PALS2: variants seen among roughly 807,000 people sequenced by gnomAD.
PALS2 encodes protein associated with LIN7 2, MAGUK p55 family member.
PALS2 carries 27 observed loss-of-function variants against 61.6 expected under a neutral mutation model. That is an observed-to-expected ratio of 0.44 (90% confidence interval 0.32 to 0.60). The LOEUF (loss-of-function observed/expected upper bound fraction) is 0.60. PALS2 is among the 20% of genes least tolerant of loss of function. The pLI, the probability that PALS2 is intolerant of heterozygous loss-of-function variation, is 0.05. For missense variants in PALS2, 554 were observed against 639.4 expected (o/e 0.87, Z 1.44); for synonymous variants, 236 against 218.6 (o/e 1.08, Z -0.70).
chr7:24,597,459 A>G (rs1317040133), intron 1 of PALS2, among the ~76,000 whole-genome samples: 3 of 152,144 alleles, frequency 2.0e-5, no homozygotes, highest in Admixed American at 1.3e-4. Flanking sequence ...CTACTCTTTG[A>G]AAAGTGTGGT....
At chr7:24,660,464 A>G (rs1786659196) in intron 5 of PALS2, among the ~76,000 whole-genome samples, 1 of 152,080 alleles carries the variant, frequency 6.6e-6, no homozygotes, top group African/African-American at 2.4e-5. Flanking sequence ...TACACATGCT[A>G]TTCTGAACCT....
chr7:24,682,059 T>G (rs1194814351), intron 11 of PALS2, among the ~76,000 whole-genome samples: 1 of 152,210 alleles, frequency 6.6e-6, no homozygotes, highest in Non-Finnish European at 1.5e-5. Context: ...TGCCAGACAT[T>G]GTGAGCTTTG....
chr7:24,582,883 C>CTTTTTTTTTTT (rs757869072), intron 1 of PALS2, among the ~76,000 whole-genome samples: 1 of 57,468 alleles, frequency 1.7e-5, no homozygotes, highest in African/African-American at 7.0e-5. Flanking sequence ...GATAGTCATG[C>CTTTTTTTTTTT]TTTTTTTTTT....
At chr7:24,590,138 G>C (rs1783228316) in intron 1 of PALS2, among the ~76,000 whole-genome samples, 1 of 152,154 alleles carries the variant, frequency 6.6e-6, no homozygotes, top group Non-Finnish European at 1.5e-5. Context: ...ATATTTAAGT[G>C]CGCACAGACT....
At chr7:24,629,669 A>G (rs1024624877) in intron 2 of PALS2, among the ~76,000 whole-genome samples, 1 of 152,232 alleles carries the variant, frequency 6.6e-6, no homozygotes, top group Non-Finnish European at 1.5e-5. Context: ...TGGGCAAAGG[A>G]TATGAACAGA....
At position 24,618,405 on chromosome 7, in the gene PALS2, G is replaced by T. The variant is rs1028201340; in HGVS notation, c.-2-5261G>T. On this transcript the variant is annotated intron_variant, in intron 1 of 11. Coordinates refer to ENST00000222644, the MANE Select transcript of PALS2 (RefSeq NM_001303037.2). The surrounding 1 kb of genome is among the most constrained non-coding windows in gnomAD (Gnocchi z 5.1). The stretch of plus-strand genomic sequence containing the variant: ...GACACCTGTGTGGACTTAGTGGAAT[G>T]AAAACAACTCCTAGGCTGGAAAAGT... Among the ~76,000 whole-genome samples, 6 of 152,342 alleles carry T rather than the reference G, an allele frequency of 3.9e-5. No individual in the cohort carries two copies. Among genetic ancestry groups the T allele is most frequent in the African/African-American group, 1.4e-4 (6 of 41,576 alleles).
chr7:24,599,505 C>CTTTTTT lies in PALS2; in HGVS notation c.-2-24146_-2-24141dup, dbSNP rs1159029178. ...TTTCTTTTTTAATATCTTCTATAAG[C>CTTTTTT]TTTTTTTTTTTTTTTTTTTTATGGA... On this transcript the variant is annotated intron_variant, in intron 1 of 11. Coordinates refer to ENST00000222644, the MANE Select transcript of PALS2 (RefSeq NM_001303037.2). Among the ~76,000 whole-genome samples the CTTTTTT allele has an allele frequency of 2.8e-4, 33 of 116,578 alleles. 1 individual carries two copies. The highest frequency in any genetic ancestry group is 9.3e-4 in the African/African-American group (27 of 28,930). 76.5% of individuals were successfully genotyped at this position (116,578 alleles called of 152,430 possible). A position where few individuals can be genotyped will look rare whatever the true frequency, so the allele number is the denominator to read the frequency against.
intron 1 of PALS2, among the ~76,000 whole-genome samples, chr7:24,592,828 A>G (rs1783349539): frequency 6.6e-6 from 1 of 152,126 alleles, no homozygotes; most frequent in African/African-American, 2.4e-5. Flanking sequence ...GAGCCTTCAG[A>G]GAGTTGAAGT....
At chr7:24,614,525 A>G (rs1374637237) in intron 1 of PALS2, among the ~76,000 whole-genome samples, 1 of 151,908 alleles carries the variant, frequency 6.6e-6, no homozygotes, top group African/African-American at 2.4e-5. Context: ...TTGTAGTAAA[A>G]GGGTAAATTA....
intron 1 of PALS2, among the ~76,000 whole-genome samples, chr7:24,585,355 G>A (rs1044940634): frequency 6.6e-6 from 1 of 152,018 alleles, no homozygotes; most frequent in Non-Finnish European, 1.5e-5. Flanking sequence ...GTGGTTTGTA[G>A]TTCTCCTTGA....
chr7:24,665,575 A>G lies in PALS2; in HGVS notation c.784-13A>G. 1 of 1,612,090 alleles carries G rather than the reference A, an allele frequency of 6.2e-7. No individual in the cohort carries two copies. Among genetic ancestry groups the G allele is most frequent in the Non-Finnish European group, 8.5e-7 (1 of 1,178,360 alleles). On this transcript the variant is annotated splice_polypyrimidine_tract_variant and intron_variant, in intron 6 of 11. Coordinates refer to ENST00000222644, the MANE Select transcript of PALS2 (RefSeq NM_001303037.2). ...TGGTCACTGAGATGTACAATTCATT[A>G]ATTTGATTCTAGGCTAGCCATGTAA...
intron 11 of PALS2, among the ~76,000 whole-genome samples, chr7:24,685,197 T>C (rs1027620268): frequency 1.3e-5 from 2 of 152,168 alleles, no homozygotes; most frequent in Admixed American, 6.5e-5. Context: ...CCACTAGATA[T>C]TATCTTCTTT....
At chr7:24,585,709 ATTTT>A (rs1372040592) in intron 1 of PALS2, among the ~76,000 whole-genome samples, 1 of 151,776 alleles carries the variant, frequency 6.6e-6, no homozygotes, top group East Asian at 1.9e-4. Context: ...TTATTTATTT[ATTTT>A]TTTGAGACGG....
At chr7:24,592,627 G>C (rs867893991) in intron 1 of PALS2, among the ~76,000 whole-genome samples, 1 of 152,076 alleles carries the variant, frequency 6.6e-6, no homozygotes, top group Non-Finnish European at 1.5e-5. Context: ...CACGGGTTCA[G>C]TTCTGGACCG....
At chr7:24,661,119 C>T (rs532148052) in intron 5 of PALS2, among the ~76,000 whole-genome samples, 1 of 151,928 alleles carries the variant, frequency 6.6e-6, no homozygotes, top group Non-Finnish European at 1.5e-5. Context: ...AGTTAACATC[C>T]ATAGCCTATA....
intron 11 of PALS2, among the ~76,000 whole-genome samples, chr7:24,685,527 A>T (rs893151191): frequency 6.6e-6 from 1 of 151,740 alleles, no homozygotes; most frequent in Non-Finnish European, 1.5e-5. Context: ...ATCATACCTT[A>T]TGTACAAAAT....
rs1040644884 is a variant in PALS2 at position 24,618,358 on chromosome 7, G to A, written c.-2-5308G>A. On this transcript the variant is annotated intron_variant, in intron 1 of 11. Transcript: ENST00000222644. This position sits in a 1 kb window ranked among gnomAD's most constrained non-coding sequence, Gnocchi z 5.1. ...AGCAGATCCTGTGCTCAGGCTCTGT[G>A]CAGCTGGGGTTGTGGCATTCAGACA... 5.3e-5 allele frequency among the ~76,000 whole-genome samples: 8 copies of A among 152,236 alleles called. No homozygotes were observed. The highest frequency in any genetic ancestry group is 1.9e-4 in the African/African-American group (8 of 41,464).
rs183754386 is a variant in PALS2, at chr7:24,661,654, C to A, written c.652-1936C>A. On this transcript the variant is annotated intron_variant, in intron 5 of 11. Transcript: ENST00000222644. The stretch of plus-strand genomic sequence containing the variant: ...CTTTTTCTCTGCCTGATCTCAAATA[C>A]CTTTAACTTTTTGTTCTATCATTTA... Among the ~76,000 whole-genome samples, 3 of 152,214 alleles carry A rather than the reference C, an allele frequency of 2.0e-5. No homozygotes were observed. In the East Asian group the frequency reaches 5.8e-4, roughly 29 times the overall value.
At chr7:24,580,616 G>A (rs1490719337) in intron 1 of PALS2, among the ~76,000 whole-genome samples, 1 of 152,084 alleles carries the variant, frequency 6.6e-6, no homozygotes, top group African/African-American at 2.4e-5. Flanking sequence ...TCATTAGGTG[G>A]CCTCATCCAT....
Sources: gnomAD v4.1 joint callset for allele counts (sites outside exome capture counted in the v4.1 genomes callset) on GRCh38, gnomAD v4.1.1 for gene constraint, Gnocchi (gnomAD v3.1) non-coding constraint, MANE v1.5 for transcripts, NCBI Gene and HGNC (gene_info 2026-07-23, HGNC 2026-07-21) for gene names.